Variants in C2CD2 observed in about 807,000 individuals in gnomAD.
C2CD2 encodes C2 calcium dependent domain containing 2.
Under a neutral mutation model 74.3 loss-of-function variants are expected in C2CD2, and 43 were observed. The observed-to-expected ratio is 0.58, with a 90% confidence interval of 0.45 to 0.75. The LOEUF (loss-of-function observed/expected upper bound fraction) is 0.75, where lower values mean the gene tolerates loss of function less well. C2CD2 is among the 30% of genes least tolerant of loss of function. C2CD2 has a pLI of 0.00. For missense variants in C2CD2, 801 were observed against 916.3 expected (o/e 0.87, Z 1.63); for synonymous variants, 422 against 390.7 (o/e 1.08, Z -0.94).
chr21:41,889,779 T>C (rs957835388), intron 13 of C2CD2, among the ~76,000 whole-genome samples: 4 of 152,026 alleles, frequency 2.6e-5, no homozygotes, highest in African/African-American at 4.8e-5. Flanking sequence ...ATTACAGGTG[T>C]GTGCCACCAT....
chr21:41,889,306 G>T lies in C2CD2; in HGVS notation c.1909C>A (p.Arg637=). The T allele has an allele frequency of 6.2e-7, 1 of 1,614,048 alleles. No individual in the cohort carries two copies. The highest frequency in any genetic ancestry group is 8.5e-7 in the Non-Finnish European group (1 of 1,179,998). ...CCTGGGTCTTTCTGTTGATGCCGCC[G>T]GCGGAAGAACAGCTTTGCACCTTTC... is the stretch of plus-strand genomic sequence containing the variant. ...LRKGAKLFFR[R]RHQQKDPGMS... The change falls in exon 14 of 14, where the codon CGG becomes AGG. Residue 637 remains arginine (R), a synonymous_variant. Transcript: ENST00000380486.
intron 13 of C2CD2, among the ~76,000 whole-genome samples, chr21:41,890,368 T>C (rs1363430820): frequency 6.6e-6 from 1 of 152,136 alleles, no homozygotes; most frequent in Non-Finnish European, 1.5e-5. Flanking sequence ...GAATACGGAA[T>C]AGAAAAAAAT....
intron 1 of C2CD2, chr21:41,942,879 C>T: frequency 2.8e-6 from 2 of 706,352 alleles, no homozygotes; most frequent in Non-Finnish European, 3.5e-6. Flanking sequence ...CTCCTCAACC[C>T]CTACTTCACA....
In C2CD2 at chr21:41,898,775, G is replaced by A. The variant is rs116661712; in HGVS notation, c.1870+278C>T. 4.8e-3 allele frequency among the ~76,000 whole-genome samples: 727 copies of A among 152,314 alleles called. 5 individuals are homozygous for A. Among genetic ancestry groups the A allele is most frequent in the African/African-American group, 0.017 (688 of 41,578 alleles). Reference sequence around the variant, plus strand: ...TCTTGGTAACCCGTCGGGAAGCCAGGTGGAGCAAGCCCAGACTGAGGAAGG... The same window carrying A: ...TCTTGGTAACCCGTCGGGAAGCCAGATGGAGCAAGCCCAGACTGAGGAAGG... On this transcript the variant is annotated intron_variant, in intron 13 of 13. Transcript: ENST00000380486.
intron 11 of C2CD2, among the ~76,000 whole-genome samples, chr21:41,902,796 A>AG (rs2064914719): frequency 6.6e-6 from 1 of 152,048 alleles, no homozygotes; most frequent in Non-Finnish European, 1.5e-5. Flanking sequence ...CAGAGAACAA[A>AG]AAAAAAAATC....
intron 12 of C2CD2, chr21:41,901,054 A>G (rs1284745128): frequency 6.5e-6 from 1 of 154,776 alleles, no homozygotes; most frequent in Admixed American, 6.3e-5. Flanking sequence ...AGGATCTGTA[A>G]CATGGCCCTT....
chr21:41,908,057 G>A (rs533643504), intron 8 of C2CD2: 2 of 452,116 alleles, frequency 4.4e-6, no homozygotes, highest in East Asian at 4.5e-5. Flanking sequence ...CTGCTCTGAA[G>A]GACATCACGG....
intron 4 of C2CD2, among the ~76,000 whole-genome samples, 167 bp downstream of exon 4, chr21:41,918,689 A>G (rs910605016): frequency 2.0e-5 from 3 of 152,154 alleles, no homozygotes; most frequent in African/African-American, 7.2e-5. Flanking sequence ...GCCAAGCCAA[A>G]GGGCCCATCC....
At chr21:41,938,217 A>G (rs977623424) in intron 2 of C2CD2, among the ~76,000 whole-genome samples, 1 of 152,020 alleles carries the variant, frequency 6.6e-6, no homozygotes, top group Admixed American at 6.6e-5. Flanking sequence ...AATATGTACA[A>G]TTTTCATCAA....
chr21:41,899,527 C>A lies in C2CD2; in HGVS notation c.1561-165G>T, dbSNP rs769375587. On this transcript the variant is annotated intron_variant, in intron 12 of 13. Coordinates refer to ENST00000380486, the MANE Select transcript of C2CD2 (RefSeq NM_015500.2). The surrounding 1 kb of genome is among the most constrained non-coding windows in gnomAD (Gnocchi z 4.4). The stretch of plus-strand genomic sequence containing the variant: ...GCGCTTATACATCACGGCCGTTGCT[C>A]ATGCTTGGGTTAAAAAAGGTCTCCC... Among the ~76,000 whole-genome samples, 2 of 152,200 alleles carry A rather than the reference C, an allele frequency of 1.3e-5. No homozygotes were observed. The highest frequency in any genetic ancestry group is 2.9e-5 in the Non-Finnish European group (2 of 68,032).
At chr21:41,947,180 G>A (rs1015393193) in intron 1 of C2CD2, among the ~76,000 whole-genome samples, 15 of 92,838 alleles carry the variant, frequency 1.6e-4, no homozygotes, top group African/African-American at 5.5e-4. Flanking sequence ...TTTTTGAGAC[G>A]GAGTTTCACT....
intron 7 of C2CD2, among the ~76,000 whole-genome samples, chr21:41,909,804 G>T (rs1277937984): frequency 6.6e-6 from 1 of 152,122 alleles, no homozygotes; most frequent in East Asian, 1.9e-4. Flanking sequence ...ACGGAGCACT[G>T]GAGAGGTGGC....
chr21:41,919,484 G>A (rs2065132273), intron 3 of C2CD2, among the ~76,000 whole-genome samples: 1 of 152,176 alleles, frequency 6.6e-6, no homozygotes, highest in African/African-American at 2.4e-5. Flanking sequence ...TCGACAACCA[G>A]ATGCCATCAA....
In C2CD2 at chr21:41,926,068, G is replaced by A. The variant is rs2146206174; in HGVS notation, c.379-3983C>T. Reference sequence around the variant, plus strand: ...AAAGTTAAATAGAAGCAATTATTTGGCATAGGCGGCAGTGACAGTGAACTC... The same window carrying A: ...AAAGTTAAATAGAAGCAATTATTTGACATAGGCGGCAGTGACAGTGAACTC... On this transcript the variant is annotated intron_variant, in intron 2 of 13. Coordinates refer to ENST00000380486, the MANE Select transcript of C2CD2 (RefSeq NM_015500.2). This position sits in a 1 kb window ranked among gnomAD's most constrained non-coding sequence, Gnocchi z 8.0. Among the ~76,000 whole-genome samples, 1 of 152,244 alleles carries A rather than the reference G, an allele frequency of 6.6e-6. No individual in the cohort carries two copies. The highest frequency in any genetic ancestry group is 6.5e-5 in the Admixed American group (1 of 15,292).
At chr21:41,925,984 A>G (rs1284126892) in intron 2 of C2CD2, among the ~76,000 whole-genome samples, 3 of 152,174 alleles carry the variant, frequency 2.0e-5, no homozygotes, top group African/African-American at 4.8e-5. Flanking sequence ...TATTCAATTG[A>G]CAGACTGGGC....
intron 6 of C2CD2, among the ~76,000 whole-genome samples, chr21:41,913,861 G>C (rs1476922844): frequency 6.6e-6 from 1 of 152,122 alleles, no homozygotes; most frequent in Non-Finnish European, 1.5e-5. Context: ...GCTTGTCTTG[G>C]CTCCAACAGC....
In C2CD2 at chr21:41,923,430, G is replaced by A. The variant is rs1309337959; in HGVS notation, c.379-1345C>T. 6.6e-6 allele frequency among the ~76,000 whole-genome samples: 1 copy of A among 152,156 alleles called. No individual in the cohort carries two copies. Among genetic ancestry groups the A allele is most frequent in the South Asian group, 2.1e-4 (1 of 4,828 alleles). On this transcript the variant is annotated intron_variant, in intron 2 of 13. Coordinates refer to ENST00000380486, the MANE Select transcript of C2CD2 (RefSeq NM_015500.2). The surrounding 1 kb of genome is among the most constrained non-coding windows in gnomAD (Gnocchi z 5.8). The stretch of plus-strand genomic sequence containing the variant: ...TTTTGCTAAAAATGAGTCTTAAAGA[G>A]AAAGTAAGTTATAGATGTTAGAAGT...
intron 1 of C2CD2, 103 bp downstream of exon 1, chr21:41,953,267 T>C (rs1228034755): frequency 5.5e-6 from 4 of 728,668 alleles, no homozygotes; most frequent in Non-Finnish European, 4.1e-6. Context: ...AGGACTCCCT[T>C]AGCCTGGGTC....
chr21:41,942,596 G>A (rs568806520), intron 1 of C2CD2, among the ~76,000 whole-genome samples: 6 of 152,306 alleles, frequency 3.9e-5, no homozygotes, highest in African/African-American at 1.2e-4. Context: ...GGGCTGCTTC[G>A]TGCAAATCAG....
Sources: gnomAD v4.1 joint callset for allele counts (sites outside exome capture counted in the v4.1 genomes callset) on GRCh38, gnomAD v4.1.1 for gene constraint, Gnocchi (gnomAD v3.1) non-coding constraint, MANE v1.5 for transcripts, NCBI Gene and HGNC (gene_info 2026-07-23, HGNC 2026-07-21) for gene names.